Variants in SP3 observed in about 807,000 individuals in gnomAD.
SP3 encodes Sp3 transcription factor.
SP3 carries 10 observed loss-of-function variants against 70.3 expected under a neutral mutation model. The observed-to-expected ratio is 0.14, with a 90% CI of 0.09 to 0.24. The LOEUF (loss-of-function observed/expected upper bound fraction) is 0.24, where lower values mean the gene tolerates loss of function less well. SP3 is among the 10% of genes least tolerant of loss of function. The pLI, the probability that SP3 is intolerant of heterozygous loss-of-function variation, is 1.00. For synonymous variants in SP3, 402 were observed against 333.5 expected (o/e 1.21, Z -2.24); for missense variants, 825 against 914.6 (o/e 0.90, Z 1.26).
At chr2:173,952,810 C>T (rs922998577) in intron 4 of SP3, among the ~76,000 whole-genome samples, 1 of 152,166 alleles carries the variant, frequency 6.6e-6, no homozygotes, top group Non-Finnish European at 1.5e-5. Flanking sequence ...CCAAAGGCCA[C>T]ATATTGTACA....
intron 4 of SP3, 139 bp from the exon 5 acceptor site, chr2:173,918,924 T>G (rs991776307): frequency 2.8e-5 from 19 of 686,476 alleles, no homozygotes; most frequent in Middle Eastern, 2.6e-4. Context: ...CCAGTTATTT[T>G]GTTCCTCATC....
At chr2:173,926,110 T>A (rs968514986) in intron 4 of SP3, among the ~76,000 whole-genome samples, 1 of 152,154 alleles carries the variant, frequency 6.6e-6, no homozygotes, top group Non-Finnish European at 1.5e-5. Flanking sequence ...AAACTATGAC[T>A]ACAACAGAAA....
rs577298419 is a variant in SP3 at position 173,911,183 on chromosome 2, A to G, written c.2030-926T>C. On this transcript the variant is annotated intron_variant, in intron 6 of 6. Coordinates refer to ENST00000310015, the MANE Select transcript of SP3 (RefSeq NM_003111.5). The stretch of plus-strand genomic sequence containing the variant: ...CTCTCTCTCCAGACTATCTTCCTTA[A>G]AGACCAAATTTTATTACATCAGAAA... 5.0e-4 allele frequency among the ~76,000 whole-genome samples: 76 copies of G among 152,254 alleles called. 1 individual carries two copies. The highest frequency in any genetic ancestry group is 1.7e-3 in the African/African-American group (69 of 41,552).
chr2:173,954,217 T>A (rs1414179654), intron 4 of SP3, among the ~76,000 whole-genome samples: 1 of 152,224 alleles, frequency 6.6e-6, no homozygotes, highest in Non-Finnish European at 1.5e-5. Context: ...CTTTATTATT[T>A]AATTCTTACA....
rs117516562 is a variant in SP3 at position 173,934,010 on chromosome 2, T to C, written c.1640-15225A>G. The stretch of plus-strand genomic sequence containing the variant: ...TTACTTGGAGGCAGAGGTGGGAGGA[T>C]AGCTTGAGCCCAGGTGTTCAAGACC... On this transcript the variant is annotated intron_variant, in intron 4 of 6. Transcript: ENST00000310015. Among the ~76,000 whole-genome samples, 940 of 151,982 alleles carry C rather than the reference T, an allele frequency of 6.2e-3. 30 individuals carry two copies. The highest frequency in any genetic ancestry group is 0.041 in the Admixed American group (624 of 15,258).
At chr2:173,947,961 GTCC>G (rs1690595290) in intron 4 of SP3, among the ~76,000 whole-genome samples, 1 of 152,110 alleles carries the variant, frequency 6.6e-6, no homozygotes, top group Non-Finnish European at 1.5e-5. Flanking sequence ...CTGTGCTGAT[GTCC>G]TCCTATTTTC....
In SP3 at chr2:173,913,282, A is replaced by T. The variant is rs1308845470; in HGVS notation, c.1833-16T>A. 3 of 1,538,394 alleles carry T rather than the reference A, an allele frequency of 2.0e-6. No homozygotes were observed. The highest frequency in any genetic ancestry group is 1.4e-5 in the African/African-American group (1 of 72,842). On this transcript the variant is annotated splice_polypyrimidine_tract_variant and intron_variant, in intron 5 of 6. Transcript: ENST00000310015. ...ATTGGTACCTCTAAAAAACACACAT[A>T]GAATAATATATACTTATATGAAAAT...
At chr2:173,928,526 G>T (rs1689980605) in intron 4 of SP3, among the ~76,000 whole-genome samples, 1 of 150,144 alleles carries the variant, frequency 6.7e-6, no homozygotes, top group Admixed American at 6.6e-5. Flanking sequence ...AAGCAGAACT[G>T]CCTGTAAATA....
chr2:173,925,345 C>T (rs1243464454), intron 4 of SP3, among the ~76,000 whole-genome samples: 2 of 151,996 alleles, frequency 1.3e-5, no homozygotes, highest in Non-Finnish European at 2.9e-5. Context: ...GCTATGATTC[C>T]ATGAATATGA....
intron 4 of SP3, among the ~76,000 whole-genome samples, chr2:173,943,441 T>C (rs1038973529): frequency 6.6e-6 from 1 of 152,206 alleles, no homozygotes; most frequent in African/African-American, 2.4e-5. Flanking sequence ...AACCATCATA[T>C]TTAAAATAAC....
chr2:173,906,879 A>C lies in SP3; in HGVS notation c.*3062T>G, dbSNP rs1689340197. The C allele has an allele frequency of 6.6e-6, 1 of 152,232 alleles. No individual in the cohort carries two copies. The highest frequency in any genetic ancestry group is 2.1e-4 in the South Asian group (1 of 4,828). The allele number at this position is 152,232 out of a possible 1,614,324, so 9.4% of individuals were successfully genotyped here. On this transcript the variant is annotated 3_prime_UTR_variant, in exon 7 of 7. Transcript: ENST00000310015. The stretch of plus-strand genomic sequence containing the variant: ...TGGCTACCAGGCCTATGGAATCTCT[A>C]AAATGCTCCCCAGCAATTTCTAATG...
intron 3 of SP3, among the ~76,000 whole-genome samples, chr2:173,961,938 T>C (rs1446106726): frequency 9.5e-6 from 1 of 105,342 alleles, no homozygotes; most frequent in Non-Finnish European, 1.8e-5. Context: ...GGTTTGGGTT[T>C]TTTTTTTTTT....
chr2:173,955,843 G>A lies in SP3; in HGVS notation c.669C>T (p.Asn223=). The A allele has an allele frequency of 6.2e-7, 1 of 1,614,248 alleles. No individual in the cohort carries two copies. The highest frequency in any genetic ancestry group is 8.5e-7 in the Non-Finnish European group (1 of 1,180,042). ...TLLASGTPSA[N]IQNLIPQTGQ... is the part of the protein sequence containing the mutation. ...CAGTCTGTGGTATGAGATTCTGGATGTTAGCAGAAGGTGTTCCAGAGGCAA... is the reference window on the plus strand; with the variant it reads ...CAGTCTGTGGTATGAGATTCTGGATATTAGCAGAAGGTGTTCCAGAGGCAA... Residue 223 remains asparagine (N), a synonymous_variant, in exon 4 of 7, where the codon AAC becomes AAT. Coordinates refer to ENST00000310015, the MANE Select transcript of SP3 (RefSeq NM_003111.5).
chr2:173,959,103 G>A (rs1366494502), intron 3 of SP3, among the ~76,000 whole-genome samples: 1 of 152,208 alleles, frequency 6.6e-6, no homozygotes, highest in East Asian at 1.9e-4. Flanking sequence ...CACAATGACA[G>A]AATGGATCAA....
intron 4 of SP3, among the ~76,000 whole-genome samples, chr2:173,924,803 C>G: frequency 6.6e-6 from 1 of 152,274 alleles, no homozygotes; most frequent in Middle Eastern, 3.4e-3. Context: ...TAAATATATG[C>G]AATTTTAATT....
chr2:173,935,315 G>A (rs1450850121), intron 4 of SP3, among the ~76,000 whole-genome samples: 1 of 152,094 alleles, frequency 6.6e-6, no homozygotes, highest in African/African-American at 2.4e-5. Flanking sequence ...TAAAGCAGAG[G>A]TTATCACCTC....
chr2:173,943,067 C>G (rs1393687721), intron 4 of SP3, among the ~76,000 whole-genome samples: 1 of 151,934 alleles, frequency 6.6e-6, no homozygotes, highest in African/African-American at 2.4e-5. Flanking sequence ...TATCCTAGAA[C>G]CAATGCCCAA....
At chr2:173,913,632 C>G (rs2105455120) in intron 5 of SP3, 1 of 155,076 alleles carries the variant, frequency 6.4e-6, no homozygotes, top group Middle Eastern at 3.3e-3. Flanking sequence ...ATATAGGAAA[C>G]TAAATGTGGT....
chr2:173,905,232 C>A lies in SP3; in HGVS notation c.*4709G>T, dbSNP rs1243458205. ...ACAATGAAAATTCTAAAACACTTCACTACAGAAAAATGGAATCTCCAGAGT... is the reference window on the plus strand; with the variant it reads ...ACAATGAAAATTCTAAAACACTTCAATACAGAAAAATGGAATCTCCAGAGT... On this transcript the variant is annotated 3_prime_UTR_variant, in exon 7 of 7. Transcript: ENST00000310015. Among the ~76,000 whole-genome samples the A allele has an allele frequency of 3.9e-5, 6 of 152,304 alleles. No homozygotes were observed. Among genetic ancestry groups the A allele is most frequent in the African/African-American group, 1.2e-4 (5 of 41,564 alleles).
Sources: allele counts gnomAD v4.1 joint callset (sites outside exome capture counted in the v4.1 genomes callset), GRCh38; gene constraint gnomAD v4.1.1; transcripts MANE v1.5; gene names NCBI Gene and HGNC (gene_info 2026-07-23, HGNC 2026-07-21).